The following MCU variants were observed in gnomAD, a reference collection of about 807,000 sequenced individuals.
MCU encodes the protein calcium uniporter protein, mitochondrial.
MCU carries 12 observed loss-of-function variants against 45.2 expected under a neutral mutation model. The observed-to-expected ratio is 0.27, with a 90% confidence interval of 0.17 to 0.43. The LOEUF (loss-of-function observed/expected upper bound fraction) is 0.43, where lower values mean the gene tolerates loss of function less well. Among genes scored for constraint, MCU ranks in the 20% least tolerant of loss-of-function variants. MCU has a pLI of 1.00. For missense variants in MCU, 324 were observed against 436.7 expected, an observed-to-expected ratio of 0.74 and a Z score of 2.30; for synonymous variants, 160 against 165.1, an observed-to-expected ratio of 0.97 and a Z score of 0.24.
intron 7 of MCU, among the ~76,000 whole-genome samples, chr10:72,885,462 T>C (rs1281734741): frequency 6.6e-6 from 1 of 152,210 alleles, no homozygotes; most frequent in Admixed American, 6.5e-5. Context: ...AGATGCTCCT[T>C]ACATTCTTAG....
chr10:72,859,986 T>G (rs1845352182), intron 3 of MCU: 1 of 154,618 alleles, frequency 6.5e-6, no homozygotes, highest in African/African-American at 2.4e-5. Context: ...GACCAGCTGG[T>G]GGATGTATAA....
intron 1 of MCU, among the ~76,000 whole-genome samples, chr10:72,740,119 C>A (rs982652593): frequency 6.6e-6 from 1 of 152,024 alleles, no homozygotes; most frequent in African/African-American, 2.4e-5. Context: ...CGGTGGCTCA[C>A]GCCTGTAATC....
intron 1 of MCU, among the ~76,000 whole-genome samples, chr10:72,705,195 A>T (rs1325536115): frequency 6.6e-6 from 1 of 152,044 alleles, no homozygotes; most frequent in Non-Finnish European, 1.5e-5. Context: ...TCTTACTTTA[A>T]GTTCTGGGAT....
intron 1 of MCU, among the ~76,000 whole-genome samples, chr10:72,777,495 T>C (rs1341770117): frequency 1.3e-5 from 2 of 152,224 alleles, no homozygotes; most frequent in African/African-American, 4.8e-5. Flanking sequence ...GATAACCATA[T>C]GCAGAAGAAC....
chr10:72,862,141 C>T (rs1029794155), intron 4 of MCU, among the ~76,000 whole-genome samples: 2 of 152,018 alleles, frequency 1.3e-5, no homozygotes, highest in Non-Finnish European at 2.9e-5. Context: ...GCCACCACGC[C>T]TGGCTAATTT....
At chr10:72,805,101 C>CCCTTTCTTTCTTTCTTTCTT (rs1554824916) in intron 1 of MCU, among the ~76,000 whole-genome samples, 2 of 103,400 alleles carry the variant, frequency 1.9e-5, no homozygotes, top group African/African-American at 4.3e-5. Flanking sequence ...TTCTTTCTTT[C>CCCTTTCTTTCTTTCTTTCTT]TCTTTCTTTC....
intron 6 of MCU, among the ~76,000 whole-genome samples, chr10:72,881,593 G>A (rs1589512448): frequency 6.6e-6 from 1 of 152,094 alleles, no homozygotes; most frequent in African/African-American, 2.4e-5. Context: ...TAAATAGGCT[G>A]GAAGGAGATA....
chr10:72,695,791 A>G (rs1341533779), intron 1 of MCU, among the ~76,000 whole-genome samples: 2 of 151,464 alleles, frequency 1.3e-5, no homozygotes, highest in Non-Finnish European at 2.9e-5. Flanking sequence ...GCTCACTGCA[A>G]TCTTGAACTC....
At chr10:72,692,882 T>C (rs767771955) in intron 1 of MCU, 3 of 1,460,670 alleles carry the variant, frequency 2.1e-6, no homozygotes. Context: ...TGTGACTTCC[T>C]CTGTGTGTGT....
intron 1 of MCU, among the ~76,000 whole-genome samples, chr10:72,741,098 CTT>C (rs11310286): frequency 8.5e-4 from 106 of 124,626 alleles, no homozygotes; most frequent in Non-Finnish European, 1.1e-3. Flanking sequence ...TTTTCTTTTT[CTT>C]TTTTTTTTTT....
intron 1 of MCU, among the ~76,000 whole-genome samples, chr10:72,829,535 T>C (rs1844849014): frequency 6.6e-6 from 1 of 151,938 alleles, no homozygotes; most frequent in Admixed American, 6.6e-5. Flanking sequence ...TTTCTTTCTT[T>C]TTTAACTTCT....
At chr10:72,797,273 G>T (rs1844264420) in intron 1 of MCU, among the ~76,000 whole-genome samples, 1 of 150,558 alleles carries the variant, frequency 6.6e-6, no homozygotes, top group Non-Finnish European at 1.5e-5. Context: ...ACCCAGGCTG[G>T]AGTGCAGTGG....
At chr10:72,876,252 C>T (rs774117876) in intron 6 of MCU, among the ~76,000 whole-genome samples, 6 of 152,152 alleles carry the variant, frequency 3.9e-5, no homozygotes, top group Non-Finnish European at 7.4e-5. Context: ...TCTTTCTAGA[C>T]CTTTTATTCA....
intron 6 of MCU, among the ~76,000 whole-genome samples, chr10:72,877,452 A>AT (rs1845634123): frequency 6.6e-6 from 1 of 152,170 alleles, no homozygotes; most frequent in African/African-American, 2.4e-5. Context: ...GATTTTATTC[A>AT]TTTTAAAAAG....
At chr10:72,734,954 C>T (rs896787805) in intron 1 of MCU, among the ~76,000 whole-genome samples, 1 of 151,690 alleles carries the variant, frequency 6.6e-6, no homozygotes, top group Non-Finnish European at 1.5e-5. Flanking sequence ...TGGTGCATAC[C>T]CGTAGTCCCA....
At chr10:72,739,306 A>C (rs1468117917) in intron 1 of MCU, among the ~76,000 whole-genome samples, 1 of 152,244 alleles carries the variant, frequency 6.6e-6, no homozygotes, top group Non-Finnish European at 1.5e-5. Flanking sequence ...AGTGCACTTT[A>C]AAAATAACAT....
chr10:72,740,331 A>T (rs572898600), intron 1 of MCU, among the ~76,000 whole-genome samples: 23 of 151,484 alleles, frequency 1.5e-4, no homozygotes, highest in Non-Finnish European at 2.2e-4. Context: ...GTGAGCCAAG[A>T]TCACACCACT....
chr10:72,695,616 C>T (rs759332096), intron 1 of MCU, among the ~76,000 whole-genome samples: 18 of 152,068 alleles, frequency 1.2e-4, no homozygotes, highest in East Asian at 1.9e-4. Flanking sequence ...ATCTAACATT[C>T]GCACTTTACA....
At chr10:72,747,392 AAT>A (rs1426983539) in intron 1 of MCU, among the ~76,000 whole-genome samples, 1 of 152,262 alleles carries the variant, frequency 6.6e-6, no homozygotes, top group Non-Finnish European at 1.5e-5. Context: ...TGTTTTAAAA[AAT>A]ATGTTAAAGA....
Sources: allele counts gnomAD v4.1 joint callset (sites outside exome capture counted in the v4.1 genomes callset), GRCh38; gene constraint gnomAD v4.1.1; transcripts MANE v1.5; gene names NCBI Gene and HGNC (gene_info 2026-07-23, HGNC 2026-07-21).